Variants in OR2L13 observed in about 807,000 individuals in gnomAD.
The protein encoded by OR2L13 is olfactory receptor 2L13.
OR2L13 carries 14 observed loss-of-function variants against 15.3 expected under a neutral mutation model. The ratio of observed to expected loss-of-function variants is 0.91; its 90% CI spans 0.60 to 1.43. The LOEUF (loss-of-function observed/expected upper bound fraction) is 1.43. Ranked by LOEUF, OR2L13 falls within the 40% of genes most tolerant of loss-of-function variation. The pLI, the probability that OR2L13 is intolerant of heterozygous loss-of-function variation, is 0.00. For missense variants in OR2L13, 367 were observed against 387.9 expected (o/e 0.95, Z 0.45); for synonymous variants, 152 against 142.9 (o/e 1.06, Z -0.45).
chr1:248,005,804 A>G, the OR2L13 span, among the ~76,000 whole-genome samples: 136 of 152,298 alleles, frequency 8.9e-4, no homozygotes, highest in African/African-American at 3.2e-3. Context: ...TGCTTTTGAA[A>G]TGTCATTTCT....
the OR2L13 span, among the ~76,000 whole-genome samples, chr1:248,067,322 G>C: frequency 4.6e-5 from 7 of 152,154 alleles, no homozygotes; most frequent in Non-Finnish European, 1.0e-4. Context: ...TAGTTATACT[G>C]TATCTTCACA....
chr1:248,070,653 CA>C, the OR2L13 span, among the ~76,000 whole-genome samples: 1 of 151,896 alleles, frequency 6.6e-6, no homozygotes. Flanking sequence ...AATAGAGACA[CA>C]AAAAACCCTT....
At chr1:248,039,412 T>TTTTG in the OR2L13 span, 1 of 389,814 alleles carries the variant, frequency 2.6e-6, no homozygotes, top group Non-Finnish European at 4.5e-6. Context: ...TGTGTGTGGT[T>TTTTG]TTTGTTTGTT....
chr1:248,077,004 G>C, the OR2L13 span, among the ~76,000 whole-genome samples: 1 of 152,130 alleles, frequency 6.6e-6, no homozygotes, highest in Non-Finnish European at 1.5e-5. Flanking sequence ...TGATTATTTT[G>C]AGATACGTCC....
At chr1:248,046,247 C>A in the OR2L13 span, among the ~76,000 whole-genome samples, 1 of 152,066 alleles carries the variant, frequency 6.6e-6, no homozygotes, top group Non-Finnish European at 1.5e-5. Flanking sequence ...ACAATTTGAA[C>A]ATGTTTAATA....
At chr1:248,082,800 G>A in the OR2L13 span, among the ~76,000 whole-genome samples, 20 of 152,246 alleles carry the variant, frequency 1.3e-4, no homozygotes, top group East Asian at 3.5e-3. Flanking sequence ...AGGTTGTTGA[G>A]TGTTACTCAG....
the OR2L13 span, chr1:248,060,672 C>T: frequency 1.8e-5 from 29 of 1,601,836 alleles, no homozygotes; most frequent in Middle Eastern, 1.7e-4. Flanking sequence ...AAAGAGCACA[C>T]GAATGCCCCA....
chr1:248,085,463 A>T, the OR2L13 span, among the ~76,000 whole-genome samples: 1 of 120,522 alleles, frequency 8.3e-6, no homozygotes, highest in East Asian at 2.6e-4. Context: ...GTGTGCAGAG[A>T]AGCACCAAAA....
chr1:247,964,807 A>G, the OR2L13 span, among the ~76,000 whole-genome samples: 1 of 150,224 alleles, frequency 6.7e-6, no homozygotes, highest in East Asian at 1.9e-4. Context: ...ATTGCTGTAC[A>G]CATACATAAG....
At chr1:247,995,342 A>G in the OR2L13 span, among the ~76,000 whole-genome samples, 22 of 152,342 alleles carry the variant, frequency 1.4e-4, no homozygotes, top group East Asian at 3.9e-3. Flanking sequence ...CTATGGCTCC[A>G]CAGACTATTA....
At chr1:247,997,021 G>A in the OR2L13 span, 1 of 152,154 alleles carries the variant, frequency 6.6e-6, no homozygotes, top group Non-Finnish European at 1.5e-5. Flanking sequence ...GTGCAGTGGT[G>A]TTTACAATTG....
At chr1:248,004,221 C>T in the OR2L13 span, among the ~76,000 whole-genome samples, 1 of 152,134 alleles carries the variant, frequency 6.6e-6, no homozygotes, top group African/African-American at 2.4e-5. Flanking sequence ...AATTGTTTTA[C>T]AAAGATGTAT....
chr1:247,979,605 A>G, the OR2L13 span, among the ~76,000 whole-genome samples: 1 of 152,092 alleles, frequency 6.6e-6, no homozygotes, highest in African/African-American at 2.4e-5. Context: ...TATTGTGAAT[A>G]GTGCTGCAAG....
At chr1:248,088,439 C>T in the OR2L13 span, among the ~76,000 whole-genome samples, 1 of 152,112 alleles carries the variant, frequency 6.6e-6, no homozygotes, top group Admixed American at 6.5e-5. Context: ...CTTCATGTTC[C>T]TTTCCTATAA....
chr1:248,040,221 T>G, the OR2L13 span: 1 of 152,256 alleles, frequency 6.6e-6, no homozygotes, highest in African/African-American at 2.4e-5. Flanking sequence ...CTTAAAAGGA[T>G]CAACATTATT....
At chr1:248,100,942 T>A (rs1171865920) in exon 3 of OR2L13, 2 of 158,706 alleles carry the variant, frequency 1.3e-5, no homozygotes, top group African/African-American at 4.8e-5. Context: ...TGTTTCTTTA[T>A]CTGTTGGCTC....
At chr1:248,068,333 G>T in the OR2L13 span, among the ~76,000 whole-genome samples, 1 of 151,894 alleles carries the variant, frequency 6.6e-6, no homozygotes, top group Non-Finnish European at 1.5e-5. Flanking sequence ...CAGTATTCGC[G>T]GTTCATGAAA....
the OR2L13 span, among the ~76,000 whole-genome samples, chr1:248,045,078 G>C: frequency 8.7e-4 from 132 of 152,192 alleles, no homozygotes; most frequent in Non-Finnish European, 1.2e-3. Flanking sequence ...CAACAGATTT[G>C]ACATAAATGG....
At chr1:248,017,287 A>C in the OR2L13 span, among the ~76,000 whole-genome samples, 4 of 152,250 alleles carry the variant, frequency 2.6e-5, no homozygotes, top group Non-Finnish European at 5.9e-5. Flanking sequence ...TAAGAAAAAA[A>C]TGTCCTCTTC....
Sources: allele counts gnomAD v4.1 joint callset (sites outside exome capture counted in the v4.1 genomes callset), GRCh38; gene constraint gnomAD v4.1.1; transcripts MANE v1.5; gene names NCBI Gene and HGNC (gene_info 2026-07-23, HGNC 2026-07-21).